KIAA1549L: variants seen among roughly 807,000 people sequenced by gnomAD.
The protein encoded by KIAA1549L is UPF0606 protein KIAA1549L.
In KIAA1549L, 88 loss-of-function variants were observed where a neutral mutation model predicts 160.7. The ratio of observed to expected loss-of-function variants is 0.55; its 90% confidence interval spans 0.46 to 0.65. The LOEUF is 0.65. Ranked by LOEUF, KIAA1549L falls within the 30% of genes least tolerant of loss-of-function variation. The probability of loss-of-function intolerance (pLI) is 0.00; values close to 1 mark genes in which losing one functional copy is unlikely to be tolerated. For synonymous variants in KIAA1549L, 950 were observed against 976.7 expected (o/e 0.97, Z 0.51); for missense variants, 2,258 against 2,437.5 (o/e 0.93, Z 1.55).
chr11:33,422,067 A>G (rs760602923), intron 1 of KIAA1549L, among the ~76,000 whole-genome samples: 3 of 151,900 alleles, frequency 2.0e-5, no homozygotes, highest in Non-Finnish European at 4.4e-5. Flanking sequence ...TCCCTCCCCC[A>G]TGAAGTCCAT....
chr11:33,654,589 GGTGA>G (rs1851999397), intron 17 of KIAA1549L, among the ~76,000 whole-genome samples: 1 of 152,208 alleles, frequency 6.6e-6, no homozygotes. Flanking sequence ...TTGTGTTGGA[GGTGA>G]GTGCCTCAGG....
intron 6 of KIAA1549L, among the ~76,000 whole-genome samples, chr11:33,553,995 TTGAAA>T (rs1265408474): frequency 1.3e-5 from 2 of 152,218 alleles, no homozygotes; most frequent in Non-Finnish European, 1.5e-5. Context: ...TAAACAGCTC[TTGAAA>T]TGAATGGATA....
chr11:33,415,224 C>T (rs1233426000), intron 1 of KIAA1549L, among the ~76,000 whole-genome samples: 1 of 152,150 alleles, frequency 6.6e-6, no homozygotes. Flanking sequence ...TTACTTTATT[C>T]ATTCCAAATA....
At chr11:33,548,020 G>A in intron 4 of KIAA1549L, 141 bp downstream of exon 4, 1 of 627,710 alleles carries the variant, frequency 1.6e-6, no homozygotes, top group Non-Finnish European at 2.8e-6. Context: ...TTGGCAACTA[G>A]CTAATGTGTA....
At position 33,376,579 on chromosome 11, in the gene KIAA1549L, C is replaced by G. The variant is rs1187913649; in HGVS notation, c.-73C>G. On this transcript the variant is annotated 5_prime_UTR_variant, in exon 1 of 21. Transcript: ENST00000658780. The surrounding 1 kb of genome is among the most constrained non-coding windows in gnomAD (Gnocchi z 5.8). ...CGTGGCCGGCGATGCCCGGTGAGGA[C>G]CGGGGCGCCGAGGGCTGGGCTCCCC... 1 of 148,816 alleles carries G rather than the reference C, an allele frequency of 6.7e-6. No individual in the cohort carries two copies. The highest frequency in any genetic ancestry group is 1.5e-5 in the Non-Finnish European group (1 of 66,804). The allele number at this position is 148,816 out of a possible 1,614,324, so 9.2% of individuals were successfully genotyped here. A position where few individuals can be genotyped will look rare whatever the true frequency, so the allele number is the denominator to read the frequency against.
chr11:33,524,254 C>T (rs1038419803), intron 1 of KIAA1549L, among the ~76,000 whole-genome samples: 9 of 152,024 alleles, frequency 5.9e-5, no homozygotes, highest in Admixed American at 2.0e-4. Context: ...AGGTGGAATT[C>T]GCTCATAATT....
At chr11:33,547,956 C>G (rs995611851) in intron 4 of KIAA1549L, 77 bp downstream of exon 4, 1 of 948,138 alleles carries the variant, frequency 1.1e-6, no homozygotes, top group Non-Finnish European at 1.7e-6. Context: ...AGATTGTTTT[C>G]CTCCTTTCTA....
Position 33,403,434 on chromosome 11 carries a change from GACAT to G in KIAA1549L, c.238+26550_238+26553del, listed in dbSNP as rs141213655. 8.9e-3 allele frequency: 394 copies of G among 44,472 alleles called. 2 individuals are homozygous for G. The highest frequency in any genetic ancestry group is 0.024 in the Middle Eastern group (2 of 82). 2.8% of individuals were successfully genotyped at this position (44,472 alleles called of 1,614,324 possible). A position where few individuals can be genotyped will look rare whatever the true frequency, so the allele number is the denominator to read the frequency against. On this transcript the variant is annotated intron_variant, in intron 1 of 20. Transcript: ENST00000658780. ...ACAGACACACAGACACGCACACAGA[GACAT>G]ACATGCAGACACACACAGGGACACA...
chr11:33,631,645 T>C lies in KIAA1549L; in HGVS notation c.5409+12983T>C, dbSNP rs368297881. On this transcript the variant is annotated intron_variant, in intron 16 of 20. Coordinates refer to ENST00000658780, the MANE Select transcript of KIAA1549L (RefSeq NM_012194.3). The stretch of plus-strand genomic sequence containing the variant: ...GGCTGAGAACTACTGACCTAAGCAA[T>C]GCTTTTGGAACTTGGTTTAAACATG... Among the ~76,000 whole-genome samples the C allele has an allele frequency of 3.9e-5, 6 of 152,288 alleles. No individual in the cohort carries two copies. In the East Asian group the frequency reaches 1.2e-3, roughly 29 times the overall value.
chr11:33,641,663 A>G (rs1851590929), intron 16 of KIAA1549L, among the ~76,000 whole-genome samples: 1 of 136,244 alleles, frequency 7.3e-6, no homozygotes, highest in African/African-American at 2.8e-5. Flanking sequence ...AGGTGACGGA[A>G]TCAAACTGTC....
intron 1 of KIAA1549L, among the ~76,000 whole-genome samples, chr11:33,420,994 A>G (rs1850999621): frequency 6.6e-6 from 1 of 152,210 alleles, no homozygotes; most frequent in African/African-American, 2.4e-5. Context: ...GCAGCCTCAA[A>G]TGAAACTAAA....
At chr11:33,612,205 C>G (rs181088634) in intron 15 of KIAA1549L, among the ~76,000 whole-genome samples, 1 of 152,292 alleles carries the variant, frequency 6.6e-6, no homozygotes, top group African/African-American at 2.4e-5. Context: ...GTGACAACCT[C>G]GGTAAGCTCA....
chr11:33,418,191 G>T (rs1250969359), intron 1 of KIAA1549L, among the ~76,000 whole-genome samples: 1 of 152,140 alleles, frequency 6.6e-6, no homozygotes, highest in East Asian at 1.9e-4. Context: ...ATGAGGGCAG[G>T]GTCTTAATTT....
At chr11:33,388,911 T>A (rs1311294178) in intron 1 of KIAA1549L, among the ~76,000 whole-genome samples, 2 of 152,182 alleles carry the variant, frequency 1.3e-5, no homozygotes, top group African/African-American at 4.8e-5. Flanking sequence ...ATCCTAGATA[T>A]AAATAAGGCC....
rs1374560127 is a variant in KIAA1549L at position 33,671,616 on chromosome 11, A to ACACACACC, written c.*3463_*3464insACACACCC. The ACACACACC allele has an allele frequency of 6.6e-6, 1 of 150,878 alleles. No homozygotes were observed. The highest frequency in any genetic ancestry group is 1.5e-5 in the Non-Finnish European group (1 of 67,810). The allele number at this position is 150,878 out of a possible 1,614,324, so 9.3% of individuals were successfully genotyped here. Reference sequence around the variant, plus strand: ...CACACACACACACACACACACACACACCCTACTTCGGAGAGAGAATGTAGA... The same window carrying ACACACACC: ...CACACACACACACACACACACACACACACACACCCCCTACTTCGGAGAGAGAATGTAGA... On this transcript the variant is annotated 3_prime_UTR_variant, in exon 21 of 21. Transcript: ENST00000658780.
Position 33,598,896 on chromosome 11 carries a change from A to G in KIAA1549L, c.4828A>G (p.Asn1610Asp). 1 of 1,613,892 alleles carries G rather than the reference A, an allele frequency of 6.2e-7. No homozygotes were observed. Among genetic ancestry groups the G allele is most frequent in the Non-Finnish European group, 8.5e-7 (1 of 1,179,848 alleles). Residue 1610 changes from asparagine (N) to aspartate (D), a missense_variant, in exon 13 of 21, where the codon AAT (asparagine) becomes GAT (aspartate). Coordinates refer to ENST00000658780, the MANE Select transcript of KIAA1549L (RefSeq NM_012194.3). ...CAGCTCAGGGAGACGCTCACCCCAG[A>G]ATGTAATGGCACAGCAGAAAGTGAC... ...KPSSGRRSPQ[N>D]VMAQQKVTKE...
chr11:33,491,043 G>A (rs78416603), intron 1 of KIAA1549L, among the ~76,000 whole-genome samples: 1 of 152,192 alleles, frequency 6.6e-6, no homozygotes, highest in Non-Finnish European at 1.5e-5. Context: ...GTAACTAATG[G>A]TATAAGTGTC....
At chr11:33,585,483 A>C (rs543443574) in intron 11 of KIAA1549L, among the ~76,000 whole-genome samples, 16 of 152,258 alleles carry the variant, frequency 1.1e-4, no homozygotes, top group African/African-American at 3.8e-4. Flanking sequence ...ACACCGTTGC[A>C]CTCTAGCCTG....
intron 1 of KIAA1549L, among the ~76,000 whole-genome samples, chr11:33,524,592 A>T (rs1238918906): frequency 1.3e-5 from 2 of 152,222 alleles, no homozygotes; most frequent in Non-Finnish European, 2.9e-5. Flanking sequence ...ATTTCAGTCT[A>T]TAAATTTTCC....
Sources: allele counts gnomAD v4.1 joint callset (sites outside exome capture counted in the v4.1 genomes callset), GRCh38; gene constraint gnomAD v4.1.1; non-coding constraint Gnocchi (gnomAD v3.1); transcripts MANE v1.5; gene names NCBI Gene and HGNC (gene_info 2026-07-23, HGNC 2026-07-21).